The following SYT2 variants were observed in gnomAD, a reference collection of about 807,000 sequenced individuals.
The protein encoded by SYT2 is synaptotagmin-2.
A neutral mutation model predicts 39.9 loss-of-function variants in SYT2; 15 were observed. That is an observed-to-expected ratio of 0.38 (90% CI 0.25 to 0.58). The LOEUF (loss-of-function observed/expected upper bound fraction) is 0.58, where lower values mean the gene tolerates loss of function less well. Among genes scored for constraint, SYT2 ranks in the 20% least tolerant of loss-of-function variants. The pLI, the probability that SYT2 is intolerant of heterozygous loss-of-function variation, is 0.70. For missense variants in SYT2, 389 were observed against 530.3 expected (o/e 0.73, Z 2.62); for synonymous variants, 181 against 204.5 (o/e 0.89, Z 0.98).
At chr1:202,648,098 T>C (rs1692123923) in intron 1 of SYT2, among the ~76,000 whole-genome samples, 2 of 152,210 alleles carry the variant, frequency 1.3e-5, no homozygotes, top group Admixed American at 6.5e-5. Context: ...CATGCAATCA[T>C]TGTGAATATT....
chr1:202,681,044 A>G (rs1653512564), intron 1 of SYT2, among the ~76,000 whole-genome samples: 1 of 152,092 alleles, frequency 6.6e-6, no homozygotes, highest in African/African-American at 2.4e-5. Context: ...CAGTCCAGCT[A>G]ATGCCTCAGT....
intron 1 of SYT2, among the ~76,000 whole-genome samples, chr1:202,675,425 A>C (rs1465879543): frequency 2.7e-5 from 4 of 150,848 alleles, no homozygotes; most frequent in African/African-American, 9.7e-5. Context: ...TTATGTGAAG[A>C]CTATTAATGC....
chr1:202,705,600 G>A (rs1034651679), intron 1 of SYT2, among the ~76,000 whole-genome samples: 1 of 152,162 alleles, frequency 6.6e-6, no homozygotes, highest in Admixed American at 6.5e-5. Flanking sequence ...CTAAGTGTGA[G>A]GGGCTTTCAG....
chr1:202,609,240 G>A (rs938397390), intron 1 of SYT2, among the ~76,000 whole-genome samples: 1 of 151,934 alleles, frequency 6.6e-6, no homozygotes, highest in Non-Finnish European at 1.5e-5. Context: ...GTATTCCATG[G>A]TGTATGTGTG....
chr1:202,662,913 G>A (rs1467617326), intron 1 of SYT2, among the ~76,000 whole-genome samples: 1 of 152,200 alleles, frequency 6.6e-6, no homozygotes. Flanking sequence ...TAATAATAAT[G>A]GAGAAGTGAC....
At chr1:202,643,451 T>A (rs970163690) in intron 1 of SYT2, 33 of 152,400 alleles carry the variant, frequency 2.2e-4, no homozygotes, top group African/African-American at 7.5e-4. Flanking sequence ...TCCCTCTCTC[T>A]ATTCTCTTCC....
chr1:202,605,364 A>G (rs1690665998), intron 2 of SYT2: 1 of 389,738 alleles, frequency 2.6e-6, no homozygotes, highest in Non-Finnish European at 4.6e-6. Flanking sequence ...AAGTTATAAG[A>G]ACTTTTCTTC....
rs1384219192 is a variant in SYT2 at position 202,593,832 on chromosome 1, T to G, written c.*2925A>C. 1.3e-5 allele frequency: 2 copies of G among 152,140 alleles called. No individual in the cohort carries two copies. The highest frequency in any genetic ancestry group is 4.8e-5 in the African/African-American group (2 of 41,374). 9.4% of individuals were successfully genotyped at this position (152,140 alleles called of 1,614,324 possible). The stretch of plus-strand genomic sequence containing the variant: ...AAATCACCTCTATACTACTTTCCTT[T>G]CTCTGGAACAGACTTTGAGATGAAA... On this transcript the variant is annotated 3_prime_UTR_variant, in exon 9 of 9. Transcript: ENST00000367268.
intron 1 of SYT2, among the ~76,000 whole-genome samples, chr1:202,631,737 T>C (rs773037941): frequency 2.0e-5 from 3 of 152,104 alleles, no homozygotes; most frequent in Non-Finnish European, 4.4e-5. Flanking sequence ...GCACCACCCA[T>C]TGATGAGTTC....
intron 1 of SYT2, among the ~76,000 whole-genome samples, chr1:202,660,439 A>C (rs1692355343): frequency 6.6e-6 from 1 of 152,170 alleles, no homozygotes; most frequent in Non-Finnish European, 1.5e-5. Context: ...CAGGTGAGAA[A>C]GACAGGAATC....
chr1:202,659,900 A>T (rs1001834032), intron 1 of SYT2, among the ~76,000 whole-genome samples: 1 of 152,118 alleles, frequency 6.6e-6, no homozygotes, highest in Non-Finnish European at 1.5e-5. Context: ...GGTCAGAGCT[A>T]CTACCTGCAG....
chr1:202,688,131 G>A (rs1473702599), intron 1 of SYT2, among the ~76,000 whole-genome samples: 3 of 152,094 alleles, frequency 2.0e-5, no homozygotes, highest in Admixed American at 6.5e-5. Flanking sequence ...CATACCCAGG[G>A]GCTAGCTTTC....
At chr1:202,603,218 CCT>C in intron 3 of SYT2, 100 bp from the exon 4 acceptor site, 1 of 1,482,508 alleles carries the variant, frequency 6.7e-7, no homozygotes, top group Non-Finnish European at 9.1e-7. Context: ...TGTGGTAGAC[CCT>C]GACTCAGAGC....
chr1:202,704,648 C>A (rs1308504763), intron 1 of SYT2, among the ~76,000 whole-genome samples: 2 of 95,514 alleles, frequency 2.1e-5, no homozygotes, highest in Non-Finnish European at 5.0e-5. Flanking sequence ...CCCAGCCCAC[C>A]CCTAGGACCC....
At chr1:202,635,396 G>T (rs1460900261) in intron 1 of SYT2, among the ~76,000 whole-genome samples, 5 of 152,206 alleles carry the variant, frequency 3.3e-5, no homozygotes, top group African/African-American at 1.2e-4. Flanking sequence ...TTGATGTCAG[G>T]AGCAGGGTCA....
At chr1:202,622,871 G>A (rs1426672812) in intron 1 of SYT2, among the ~76,000 whole-genome samples, 3 of 152,280 alleles carry the variant, frequency 2.0e-5, no homozygotes, top group African/African-American at 4.8e-5. Flanking sequence ...AGGGCTGAGG[G>A]ACTCTTACAG....
At chr1:202,638,691 C>G (rs1213425249) in intron 1 of SYT2, among the ~76,000 whole-genome samples, 1 of 152,202 alleles carries the variant, frequency 6.6e-6, no homozygotes, top group Non-Finnish European at 1.5e-5. Context: ...GTCAAGTGCT[C>G]ACACCCGAGG....
intron 1 of SYT2, among the ~76,000 whole-genome samples, chr1:202,673,593 G>T (rs1332231385): frequency 1.3e-5 from 2 of 152,156 alleles, no homozygotes. Flanking sequence ...CAGTTGAAGG[G>T]ACACATTACC....
intron 1 of SYT2, among the ~76,000 whole-genome samples, chr1:202,665,980 C>T (rs368518715): frequency 5.3e-4 from 80 of 151,970 alleles, no homozygotes; most frequent in African/African-American, 1.8e-3. Flanking sequence ...GGTGAAACCC[C>T]GTCTCTACTA....
Sources: gnomAD v4.1 joint callset for allele counts (sites outside exome capture counted in the v4.1 genomes callset) on GRCh38, gnomAD v4.1.1 for gene constraint, MANE v1.5 for transcripts, NCBI Gene and HGNC (gene_info 2026-07-23, HGNC 2026-07-21) for gene names.